The following NR6A1 variants were observed in gnomAD, a reference collection of about 807,000 sequenced individuals.
NR6A1 encodes the protein nuclear receptor subfamily 6 group A member 1, also known as retinoic acid receptor-related testis-associated receptor.
In NR6A1, 7 loss-of-function variants were observed where a neutral mutation model predicts 59.1. That is an observed-to-expected ratio of 0.12 (90% CI 0.07 to 0.22). The LOEUF (loss-of-function observed/expected upper bound fraction) is 0.22, where lower values mean the gene tolerates loss of function less well. NR6A1 is among the 10% of genes least tolerant of loss of function. The pLI, the probability that NR6A1 is intolerant of heterozygous loss-of-function variation, is 1.00. For synonymous variants in NR6A1, 243 were observed against 236.1 expected (o/e 1.03, Z -0.27); for missense variants, 468 against 611.6 (o/e 0.77, Z 2.48).
chr9:124,649,475 A>C (rs1217450577), intron 2 of NR6A1, among the ~76,000 whole-genome samples: 1 of 152,148 alleles, frequency 6.6e-6, no homozygotes, highest in African/African-American at 2.4e-5. Flanking sequence ...TTGAAGACTT[A>C]TATGTAAGAC....
At chr9:124,704,859 C>T (rs888917216) in intron 2 of NR6A1, among the ~76,000 whole-genome samples, 2 of 152,160 alleles carry the variant, frequency 1.3e-5, no homozygotes, top group African/African-American at 4.8e-5. Context: ...CCACCCCAAC[C>T]TCCCGAGTAG....
Position 124,717,560 on chromosome 9 carries a change from A to AG in NR6A1, c.142+15747_142+15748insC, listed in dbSNP as rs573983485. 6.0e-4 allele frequency among the ~76,000 whole-genome samples: 91 copies of AG among 152,342 alleles called. 1 individual carries two copies. In the South Asian group the frequency reaches 0.018, roughly 31 times the overall value. ...ACCAGAAGTTATTGCTTTTTGGGGT[A>AG]AGTAGTGGGATGGACTGGGAAAAGT... On this transcript the variant is annotated intron_variant, in intron 2 of 9. Transcript: ENST00000487099.
intron 2 of NR6A1, chr9:124,599,354 G>A (rs1835379553): frequency 2.8e-6 from 1 of 360,354 alleles, no homozygotes; most frequent in Admixed American, 4.0e-5. Flanking sequence ...GGGAGGCGGA[G>A]GTTGCAGTGA....
At chr9:124,528,553 C>A (rs572813879) in intron 7 of NR6A1, among the ~76,000 whole-genome samples, 3 of 151,792 alleles carry the variant, frequency 2.0e-5, no homozygotes, top group African/African-American at 7.2e-5. Context: ...ATACAAAAAT[C>A]AGCTGGGCAT....
intron 2 of NR6A1, among the ~76,000 whole-genome samples, chr9:124,579,848 T>C (rs1834710059): frequency 6.6e-6 from 1 of 152,012 alleles, no homozygotes; most frequent in Non-Finnish European, 1.5e-5. Context: ...CCGCCTCTAC[T>C]GAAAATACAT....
Position 124,518,328 on chromosome 9 carries a change from C to T in NR6A1, c.*4377G>A, listed in dbSNP as rs1388294574. The stretch of plus-strand genomic sequence containing the variant: ...GAAGCCTTCAAGTCTCATGGTGGCC[C>T]AGGTCTGGCCAAAGCAGAAGCCCCA... On this transcript the variant is annotated 3_prime_UTR_variant, in exon 10 of 10. Coordinates refer to ENST00000487099, the MANE Select transcript of NR6A1 (RefSeq NM_033334.4). 1 of 151,476 alleles carries T rather than the reference C, an allele frequency of 6.6e-6. No individual in the cohort carries two copies. Among genetic ancestry groups the T allele is most frequent in the East Asian group, 1.9e-4 (1 of 5,144 alleles). The allele number at this position is 151,476 out of a possible 1,614,324, so 9.4% of individuals were successfully genotyped here.
chr9:124,585,344 T>C (rs1834888963), intron 2 of NR6A1, among the ~76,000 whole-genome samples: 1 of 151,880 alleles, frequency 6.6e-6, no homozygotes, highest in Non-Finnish European at 1.5e-5. Context: ...ATCGAGACCA[T>C]CCTGGCTAAC....
At chr9:124,672,442 C>T (rs1837823244) in intron 2 of NR6A1, among the ~76,000 whole-genome samples, 1 of 151,936 alleles carries the variant, frequency 6.6e-6, no homozygotes, top group African/African-American at 2.4e-5. Context: ...TAGTGAAATC[C>T]CGTCTCTACT....
At chr9:124,735,694 G>C (rs755681188) in intron 1 of NR6A1, among the ~76,000 whole-genome samples, 2 of 152,214 alleles carry the variant, frequency 1.3e-5, no homozygotes, top group Non-Finnish European at 2.9e-5. Context: ...AAGCCATGGA[G>C]AGATGCCAGG....
At position 124,665,008 on chromosome 9, in the gene NR6A1, TCCA is replaced by T. The variant is rs1196869017; in HGVS notation, c.142+68297_142+68299del. 2.4e-4 allele frequency among the ~76,000 whole-genome samples: 6 copies of T among 24,680 alleles called. No individual in the cohort carries two copies. In the East Asian group the frequency reaches 5.2e-3, roughly 21 times the overall value. 16.2% of individuals were successfully genotyped at this position (24,680 alleles called of 152,430 possible). On this transcript the variant is annotated intron_variant, in intron 2 of 9. Transcript: ENST00000487099. ...GGCAATATAATAAGATCCTTGTATC[TCCA>T]AAAAAAAAAAAAAAAAAAAAAAAAA...
chr9:124,637,364 T>C (rs1335854751), intron 2 of NR6A1, among the ~76,000 whole-genome samples: 1 of 152,240 alleles, frequency 6.6e-6, no homozygotes, highest in Non-Finnish European at 1.5e-5. Flanking sequence ...GCTAAAAAGC[T>C]GGAATTCTTC....
intron 2 of NR6A1, among the ~76,000 whole-genome samples, chr9:124,676,408 T>C (rs1406291183): frequency 6.6e-6 from 1 of 152,060 alleles, no homozygotes; most frequent in African/African-American, 2.4e-5. Flanking sequence ...AGTTCTGATG[T>C]GGTCTGGAGG....
At chr9:124,677,174 T>C (rs1837991816) in intron 2 of NR6A1, among the ~76,000 whole-genome samples, 1 of 152,256 alleles carries the variant, frequency 6.6e-6, no homozygotes, top group African/African-American at 2.4e-5. Context: ...GATAGGATTA[T>C]GTTTCCTATC....
chr9:124,653,236 C>G (rs1003289883), intron 2 of NR6A1, among the ~76,000 whole-genome samples: 2 of 151,844 alleles, frequency 1.3e-5, no homozygotes, highest in Non-Finnish European at 2.9e-5. Flanking sequence ...GCTGCCCCTT[C>G]AGTAAGCTGT....
In NR6A1 at chr9:124,568,838, G is replaced by GCACAGTGGCT. The variant is rs1834352711; in HGVS notation, c.143-14278_143-14269dup. The stretch of plus-strand genomic sequence containing the variant: ...GTATCAAGACTGAGCCTCAGGCCGG[G>GCACAGTGGCT]CACAGTGGCTCACGCCTGTAATCCC... On this transcript the variant is annotated intron_variant, in intron 2 of 9. Coordinates refer to ENST00000487099, the MANE Select transcript of NR6A1 (RefSeq NM_033334.4). Among the ~76,000 whole-genome samples, 4 of 151,800 alleles carry GCACAGTGGCT rather than the reference G, an allele frequency of 2.6e-5. 1 individual carries two copies. The highest frequency in any genetic ancestry group is 9.7e-5 in the African/African-American group (4 of 41,102).
rs1037371787 is a variant in NR6A1 at position 124,616,418 on chromosome 9, A to G, written c.143-61848T>C. 2.6e-4 allele frequency among the ~76,000 whole-genome samples: 39 copies of G among 151,222 alleles called. No homozygotes were observed. The South Asian group carries it at 2.9e-3, about 11-fold the overall frequency. On this transcript the variant is annotated intron_variant, in intron 2 of 9. Coordinates refer to ENST00000487099, the MANE Select transcript of NR6A1 (RefSeq NM_033334.4). ...ACTCCATCTCAAAAAAAAAAAAAAA[A>G]AAAGAAAAGAACTAGAACTAATCAC...
At chr9:124,619,562 C>T (rs990571574) in intron 2 of NR6A1, among the ~76,000 whole-genome samples, 1 of 152,118 alleles carries the variant, frequency 6.6e-6, no homozygotes, top group Non-Finnish European at 1.5e-5. Context: ...CATACCTGGA[C>T]TATAATTTTT....
chr9:124,715,236 T>A (rs1279016431), intron 2 of NR6A1, among the ~76,000 whole-genome samples: 1 of 151,524 alleles, frequency 6.6e-6, no homozygotes, highest in Non-Finnish European at 1.5e-5. Flanking sequence ...AGACTCAATA[T>A]TATTGACTGG....
Position 124,536,103 on chromosome 9 carries a change from G to C in NR6A1, c.854C>G (p.Ala285Gly), listed in dbSNP as rs764059787. 6.2e-7 allele frequency: 1 copy of C among 1,613,970 alleles called. No individual in the cohort carries two copies. Among genetic ancestry groups the C allele is most frequent in the Non-Finnish European group, 8.5e-7 (1 of 1,179,950 alleles). Residue 285 changes from alanine (A) to glycine (G), a missense_variant, in exon 7 of 10, where the codon GCC (alanine) becomes GGC (glycine). Around this residue, in one of 4 missense-constraint regions of NR6A1, gnomAD observed 176 missense variants for 264.0 expected, o/e 0.67. Transcript: ENST00000487099. ...CTCGTCGGCCAGGCGGCAAAGCAGG[G>C]CAAATAGTTCTGCCTGTGTCACAGC... ...GYAVTQAELFALLCRLADELL... is the reference protein window; with the variant it reads ...GYAVTQAELFGLLCRLADELL...
Sources: gnomAD v4.1 joint callset for allele counts (sites outside exome capture counted in the v4.1 genomes callset) on GRCh38, gnomAD v4.1.1 for gene constraint, gnomAD v4.1.1 regional missense constraint, MANE v1.5 for transcripts, NCBI Gene and HGNC (gene_info 2026-07-23, HGNC 2026-07-21) for gene names.